Variants in PCSK2 observed in about 807,000 individuals in gnomAD.
PCSK2 encodes proprotein convertase subtilisin/kexin type 2.
Under a neutral mutation model 69.7 loss-of-function variants are expected in PCSK2, and 14 were observed. The ratio of observed to expected loss-of-function variants is 0.20; its 90% CI spans 0.13 to 0.31. The LOEUF (loss-of-function observed/expected upper bound fraction) is 0.31, where lower values mean the gene tolerates loss of function less well. Among genes scored for constraint, PCSK2 ranks in the 10% least tolerant of loss-of-function variants. The pLI is 1.00. For missense variants in PCSK2, 544 were observed against 842.5 expected (o/e 0.65, Z 4.39); for synonymous variants, 307 against 320.7 (o/e 0.96, Z 0.46).
At chr20:17,390,512 A>G (rs1375724207) in intron 5 of PCSK2, among the ~76,000 whole-genome samples, 2 of 152,212 alleles carry the variant, frequency 1.3e-5, no homozygotes, top group African/African-American at 4.8e-5. Flanking sequence ...TGAGTGGAGA[A>G]GCCTGCCCAT....
intron 2 of PCSK2, among the ~76,000 whole-genome samples, chr20:17,302,707 G>A (rs919565784): frequency 5.9e-5 from 9 of 152,236 alleles, no homozygotes; most frequent in Middle Eastern, 3.4e-3. Flanking sequence ...GATCCAGGCC[G>A]TGCTGTGAAT....
intron 11 of PCSK2, among the ~76,000 whole-genome samples, chr20:17,471,034 TTC>T (rs2033191206): frequency 6.6e-6 from 1 of 152,190 alleles, no homozygotes; most frequent in African/African-American, 2.4e-5. Context: ...AGGCTATATT[TTC>T]TGAGATTGCA....
At chr20:17,471,984 G>A (rs1381102111) in intron 11 of PCSK2, among the ~76,000 whole-genome samples, 4 of 152,234 alleles carry the variant, frequency 2.6e-5, no homozygotes, top group Admixed American at 2.6e-4. Context: ...TCCCGGAGAT[G>A]GAGTCAATTT....
chr20:17,416,249 T>C (rs1044531368), intron 6 of PCSK2, among the ~76,000 whole-genome samples: 1 of 152,166 alleles, frequency 6.6e-6, no homozygotes, highest in Non-Finnish European at 1.5e-5. Flanking sequence ...GCCTGCAGAA[T>C]GGGAGAAAAT....
intron 11 of PCSK2, among the ~76,000 whole-genome samples, chr20:17,472,886 A>G (rs2033227140): frequency 6.6e-6 from 1 of 152,142 alleles, no homozygotes. Flanking sequence ...TTACAGTTGA[A>G]GATTCATAAC....
chr20:17,297,780 C>A (rs1380579659), intron 2 of PCSK2, among the ~76,000 whole-genome samples: 1 of 152,202 alleles, frequency 6.6e-6, no homozygotes. Context: ...CCTTTACTGT[C>A]TTATTATTAC....
intron 6 of PCSK2, among the ~76,000 whole-genome samples, chr20:17,426,697 T>C (rs977597747): frequency 6.6e-6 from 1 of 152,194 alleles, no homozygotes; most frequent in Admixed American, 6.5e-5. Flanking sequence ...ACCAGGAAGA[T>C]CCAACGTTAC....
At chr20:17,473,672 A>G (rs2033243099) in intron 11 of PCSK2, among the ~76,000 whole-genome samples, 1 of 152,192 alleles carries the variant, frequency 6.6e-6, no homozygotes, top group South Asian at 2.1e-4. Flanking sequence ...TGAGCAAATG[A>G]AGAGAGAAAC....
intron 2 of PCSK2, among the ~76,000 whole-genome samples, chr20:17,342,097 G>C (rs1990526961): frequency 6.6e-6 from 1 of 152,196 alleles, no homozygotes; most frequent in African/African-American, 2.4e-5. Context: ...ACAGTTTAAG[G>C]AGTGGACTAC....
At chr20:17,345,535 T>G (rs1990627606) in intron 2 of PCSK2, among the ~76,000 whole-genome samples, 9 of 152,210 alleles carry the variant, frequency 5.9e-5, no homozygotes, top group Admixed American at 5.9e-4. Context: ...CCATAGGCAG[T>G]GTATAAACAA....
intron 5 of PCSK2, among the ~76,000 whole-genome samples, chr20:17,370,250 C>T (rs2030718461): frequency 6.6e-6 from 1 of 152,154 alleles, no homozygotes; most frequent in South Asian, 2.1e-4. Flanking sequence ...AGAACAAGGG[C>T]TTGCATAAAA....
intron 1 of PCSK2, among the ~76,000 whole-genome samples, chr20:17,245,559 G>C (rs1600405764): frequency 1.3e-5 from 2 of 152,172 alleles, no homozygotes; most frequent in South Asian, 4.2e-4. Context: ...GTTTTCTATA[G>C]CTGCTCCAAA....
At chr20:17,256,605 C>T (rs1032405412) in intron 1 of PCSK2, among the ~76,000 whole-genome samples, 2 of 151,764 alleles carry the variant, frequency 1.3e-5, no homozygotes, top group Admixed American at 1.3e-4. Flanking sequence ...TTTTCCTGCA[C>T]CCCCACCCCT....
At chr20:17,466,173 C>T (rs1329724985) in intron 11 of PCSK2, among the ~76,000 whole-genome samples, 1 of 152,154 alleles carries the variant, frequency 6.6e-6, no homozygotes, top group Non-Finnish European at 1.5e-5. Context: ...ACTAACACCC[C>T]CAAAGGCCCC....
chr20:17,379,702 T>C (rs1325200523), intron 5 of PCSK2, among the ~76,000 whole-genome samples: 4 of 152,216 alleles, frequency 2.6e-5, no homozygotes, highest in Non-Finnish European at 5.9e-5. Flanking sequence ...GTGAATATGA[T>C]GAGATATCAC....
intron 2 of PCSK2, among the ~76,000 whole-genome samples, chr20:17,262,057 A>G (rs898035861): frequency 6.6e-6 from 1 of 152,220 alleles, no homozygotes; most frequent in African/African-American, 2.4e-5. Flanking sequence ...AGCTTTTCCC[A>G]TTCTAACACA....
chr20:17,399,581 C>G (rs1030444), intron 5 of PCSK2, among the ~76,000 whole-genome samples: 139,072 of 152,260 alleles, frequency 0.91, 63,584 homozygotes, highest in South Asian at 0.96. Flanking sequence ...AACAAGTATA[C>G]GGAGGTGTTA....
In PCSK2 at chr20:17,465,474, G is replaced by T. The variant is rs1307623847; in HGVS notation, c.1351G>T (p.Ala451Ser). Residue 451 changes from alanine to serine, a missense_variant, in exon 11 of 12, where the codon GCC becomes TCC. Around this residue, in one of 3 missense-constraint regions of PCSK2, gnomAD observed 200 missense variants for 287.8 expected, o/e 0.69. Coordinates refer to ENST00000262545, the MANE Select transcript of PCSK2 (RefSeq NM_002594.5). ...LFGYGVLDAG[A>S]MVKMAKDWKT... ...TGGCTACGGGGTCCTTGATGCAGGT[G>T]CCATGGTGAAAATGGCTAAAGACTG... 6.2e-7 allele frequency: 1 copy of T among 1,614,064 alleles called. No individual in the cohort carries two copies.
At chr20:17,457,750 A>G (rs2032947796) in intron 10 of PCSK2, among the ~76,000 whole-genome samples, 1 of 152,222 alleles carries the variant, frequency 6.6e-6, no homozygotes, top group Non-Finnish European at 1.5e-5. Context: ...CAAGGAGACA[A>G]TTAGCACAGC....
Sources: allele counts gnomAD v4.1 joint callset (sites outside exome capture counted in the v4.1 genomes callset), GRCh38; gene constraint gnomAD v4.1.1; regional missense constraint gnomAD v4.1.1; transcripts MANE v1.5; gene names NCBI Gene and HGNC (gene_info 2026-07-23, HGNC 2026-07-21).